HTT: variants seen among roughly 807,000 people sequenced by gnomAD.
HTT encodes the protein huntington disease protein.
Under a neutral mutation model 362.3 loss-of-function variants are expected in HTT, and 104 were observed. The observed-to-expected ratio is 0.29, with a 90% CI of 0.24 to 0.34. HTT has a LOEUF of 0.34. HTT is among the 10% of genes least tolerant of loss of function. HTT has a pLI of 1.00. For missense variants in HTT, 3,301 were observed against 3,928.6 expected, an observed-to-expected ratio of 0.84 and a Z score of 4.27; for synonymous variants, 1,577 against 1,548.7, an observed-to-expected ratio of 1.02 and a Z score of -0.43.
At chr4:3,180,302 T>C (rs75492079) in intron 35 of HTT, among the ~76,000 whole-genome samples, 1 of 152,318 alleles carries the variant, frequency 6.6e-6, no homozygotes, top group African/African-American at 2.4e-5. Context: ...TTTCTTTTTT[T>C]AGAAGTCATC....
intron 41 of HTT, among the ~76,000 whole-genome samples, chr4:3,200,244 T>G (rs1440073752): frequency 6.6e-6 from 1 of 152,218 alleles, no homozygotes; most frequent in Admixed American, 6.5e-5. Context: ...CCTACTAAGT[T>G]CTAGTCCTTA....
At chr4:3,179,960 A>G (rs1718433081) in intron 35 of HTT, among the ~76,000 whole-genome samples, 1 of 152,174 alleles carries the variant, frequency 6.6e-6, no homozygotes, top group Non-Finnish European at 1.5e-5. Context: ...AATGAAAGGC[A>G]TTTCTTATAT....
chr4:3,196,023 G>A (rs944418496), intron 40 of HTT, among the ~76,000 whole-genome samples: 3 of 152,138 alleles, frequency 2.0e-5, no homozygotes, highest in African/African-American at 7.2e-5. Flanking sequence ...TTTTCTGTGA[G>A]GATAAAAACA....
chr4:3,214,079 A>G lies in HTT; in HGVS notation c.6896A>G (p.Glu2299Gly). 1 of 1,602,230 alleles carries G rather than the reference A, an allele frequency of 6.2e-7. No individual in the cohort carries two copies. Among genetic ancestry groups the G allele is most frequent in the Non-Finnish European group, 8.5e-7 (1 of 1,173,276 alleles). Residue 2299 changes from glutamate to glycine, a missense_variant, in exon 50 of 67, where the codon GAG (glutamate) becomes GGG (glycine). By Grantham distance (98) the Glu-to-Gly change is moderately conservative. This residue lies in a region of HTT where 220 missense variants were observed against 218.5 expected (regional missense o/e 1.01). Coordinates refer to ENST00000355072, the MANE Select transcript of HTT (RefSeq NM_001388492.1). ...CTCTGGAGCGTGGTCTCCTCCACAG[A>G]GTTTGTGACCCACGCCTGCTCCCTC... ...PGLWSVVSST[E>G]FVTHACSLIY...
intron 56 of HTT, among the ~76,000 whole-genome samples, 175 bp downstream of exon 56, chr4:3,224,306 G>T (rs1720809147): frequency 6.6e-6 from 1 of 152,200 alleles, no homozygotes; most frequent in Non-Finnish European, 1.5e-5. Flanking sequence ...GCCCAGGGAG[G>T]AAGTAAAATC....
At chr4:3,137,235 T>C (rs1716113417) in intron 21 of HTT, among the ~76,000 whole-genome samples, 2 of 151,982 alleles carry the variant, frequency 1.3e-5, no homozygotes, top group African/African-American at 4.8e-5. Context: ...AATCTTCTAA[T>C]AGCTTTATGG....
chr4:3,213,456 C>T (rs1268384774), intron 49 of HTT, among the ~76,000 whole-genome samples: 1 of 152,234 alleles, frequency 6.6e-6, no homozygotes, highest in African/African-American at 2.4e-5. Flanking sequence ...TCACAACCCC[C>T]TGTGAGATAG....
chr4:3,139,742 T>G (rs900314035), intron 21 of HTT, among the ~76,000 whole-genome samples: 2 of 152,216 alleles, frequency 1.3e-5, no homozygotes, highest in African/African-American at 4.8e-5. Flanking sequence ...AGCTTTGCCA[T>G]CTGGGAGTGT....
At position 3,238,989 on chromosome 4, in the gene HTT, TG is replaced by T; in HGVS notation, c.9215+14del. On this transcript the variant is annotated intron_variant, in intron 66 of 66. Transcript: ENST00000355072. ...GTGGGTCGCGGCGATGTATCCTCTC[TG>T]GGTCCCTGGTGCTGGCCCCGTTTCC... is the stretch of plus-strand genomic sequence containing the variant. 6.3e-6 allele frequency: 10 copies of T among 1,597,440 alleles called. No homozygotes were observed. Among genetic ancestry groups the T allele is most frequent in the Non-Finnish European group, 8.5e-6 (10 of 1,174,676 alleles).
At chr4:3,229,078 C>A in intron 59 of HTT, 69 bp downstream of exon 59, 1 of 1,452,374 alleles carries the variant, frequency 6.9e-7, no homozygotes, top group East Asian at 2.5e-5. Context: ...ACACACCCCA[C>A]ACACACACAC....
intron 48 of HTT, 114 bp downstream of exon 48, chr4:3,212,256 T>G (rs973982033): frequency 1.2e-6 from 1 of 858,278 alleles, no homozygotes; most frequent in Admixed American, 2.7e-5. Context: ...TGAAAGCGTT[T>G]ACAGAGGTAG....
chr4:3,139,229 G>A (rs1400291062), intron 21 of HTT, among the ~76,000 whole-genome samples: 1 of 152,082 alleles, frequency 6.6e-6, no homozygotes, highest in Non-Finnish European at 1.5e-5. Flanking sequence ...ACAGAGTCTC[G>A]CTCTGTCACT....
intron 10 of HTT, among the ~76,000 whole-genome samples, chr4:3,124,429 G>A (rs539487374): frequency 2.0e-5 from 3 of 152,282 alleles, no homozygotes; most frequent in African/African-American, 7.2e-5. Context: ...TCCTTTTTAA[G>A]TGAAATCTGC....
At chr4:3,100,525 T>C (rs927973879) in intron 3 of HTT, among the ~76,000 whole-genome samples, 1 of 152,238 alleles carries the variant, frequency 6.6e-6, no homozygotes, top group Non-Finnish European at 1.5e-5. Flanking sequence ...GAGTGGTCAC[T>C]GTCTTCTCTC....
intron 7 of HTT, among the ~76,000 whole-genome samples, chr4:3,115,753 G>A (rs1267552928): frequency 6.6e-6 from 1 of 152,194 alleles, no homozygotes; most frequent in Non-Finnish European, 1.5e-5. Flanking sequence ...TGTGCCTCGG[G>A]TTCCTGCGGG....
intron 18 of HTT, among the ~76,000 whole-genome samples, chr4:3,134,096 GC>G (rs1167038173): frequency 2.6e-5 from 4 of 152,178 alleles, no homozygotes; most frequent in Non-Finnish European, 4.4e-5. Flanking sequence ...TGTGCGGCAG[GC>G]CCCTCTGTAA....
At chr4:3,117,164 G>C (rs994917293) in intron 8 of HTT, among the ~76,000 whole-genome samples, 4 of 152,190 alleles carry the variant, frequency 2.6e-5, no homozygotes, top group Non-Finnish European at 4.4e-5. Context: ...TTGGGGCTGA[G>C]AGTTCTGTTC....
chr4:3,169,984 A>G (rs1057442276), intron 29 of HTT, among the ~76,000 whole-genome samples: 1 of 151,934 alleles, frequency 6.6e-6, no homozygotes, highest in Non-Finnish European at 1.5e-5. Flanking sequence ...AATTGTAATA[A>G]CTGTTTTAAT....
intron 40 of HTT, among the ~76,000 whole-genome samples, chr4:3,192,054 T>C (rs1719037006): frequency 6.6e-6 from 1 of 152,144 alleles, no homozygotes; most frequent in African/African-American, 2.4e-5. Flanking sequence ...CTTTCTTCTT[T>C]TCATTTATAT....
Sources: allele counts gnomAD v4.1 joint callset (sites outside exome capture counted in the v4.1 genomes callset), GRCh38; gene constraint gnomAD v4.1.1; regional missense constraint gnomAD v4.1.1; transcripts MANE v1.5; gene names NCBI Gene and HGNC (gene_info 2026-07-23, HGNC 2026-07-21).